The following LTBP2 variants were observed in gnomAD, a reference collection of about 807,000 sequenced individuals.
LTBP2 encodes the protein latent transforming growth factor beta binding protein 2, also known as latent-transforming growth factor beta-binding protein 2.
LTBP2 carries 103 observed loss-of-function variants against 210.6 expected under a neutral mutation model. That is an observed-to-expected ratio of 0.49 (90% CI 0.42 to 0.58). The LOEUF (loss-of-function observed/expected upper bound fraction) is 0.58, where lower values mean the gene tolerates loss of function less well. Among genes scored for constraint, LTBP2 ranks in the 20% least tolerant of loss-of-function variants. The pLI is 0.00. For synonymous variants in LTBP2, 1,007 were observed against 1,015.0 expected, an observed-to-expected ratio of 0.99 and a Z score of 0.15; for missense variants, 2,313 against 2,494.5, an observed-to-expected ratio of 0.93 and a Z score of 1.55.
At position 74,590,052 on chromosome 14, in the gene LTBP2, A is replaced by C. The variant is rs553675654; in HGVS notation, c.566-3934T>G. 1.2e-4 allele frequency among the ~76,000 whole-genome samples: 18 copies of C among 152,344 alleles called. 1 individual carries two copies. The South Asian group carries it at 3.7e-3, about 32-fold the overall frequency. Reference sequence around the variant, plus strand: ...ACAAATATATGAAAAAATGTTCAACATCACTCGTCATCAGGGAAATGCAAA... The same window carrying C: ...ACAAATATATGAAAAAATGTTCAACCTCACTCGTCATCAGGGAAATGCAAA... On this transcript the variant is annotated intron_variant, in intron 2 of 35. Coordinates refer to ENST00000261978, the MANE Select transcript of LTBP2 (RefSeq NM_000428.3).
intron 3 of LTBP2, among the ~76,000 whole-genome samples, chr14:74,572,404 T>G (rs1161809178): frequency 1.3e-5 from 2 of 150,872 alleles, no homozygotes; most frequent in African/African-American, 4.9e-5. Context: ...CTGATTCAGT[T>G]AATTTCACAA....
intron 3 of LTBP2, among the ~76,000 whole-genome samples, chr14:74,582,381 C>T (rs1211081156): frequency 1.7e-5 from 2 of 118,482 alleles, no homozygotes; most frequent in Non-Finnish European, 3.4e-5. Context: ...TGTGTACATG[C>T]ACACACACAC....
chr14:74,565,226 G>A (rs995759942), intron 3 of LTBP2, among the ~76,000 whole-genome samples: 3 of 152,182 alleles, frequency 2.0e-5, no homozygotes, highest in Non-Finnish European at 4.4e-5. Flanking sequence ...GCTCCAATGC[G>A]GGGTGGACAA....
At chr14:74,606,180 G>A (rs1400576217) in intron 1 of LTBP2, among the ~76,000 whole-genome samples, 1 of 152,154 alleles carries the variant, frequency 6.6e-6, no homozygotes, top group Non-Finnish European at 1.5e-5. Flanking sequence ...ATCACTGTAG[G>A]GAACACATCT....
intron 15 of LTBP2, 132 bp downstream of exon 15, chr14:74,524,992 C>A (rs1223189387): frequency 4.3e-6 from 2 of 464,284 alleles, no homozygotes; most frequent in Non-Finnish European, 7.6e-6. Flanking sequence ...CAGCTGGGAG[C>A]CTGCTGGGGA....
Position 74,552,125 on chromosome 14 carries a change from C to T in LTBP2, c.1399+62G>A, listed in dbSNP as rs983943403. The stretch of plus-strand genomic sequence containing the variant: ...CCTATCCCTGTCACAGCCATGGTGA[C>T]AGCCTCCACCCAACTGGCACTCCTC... On this transcript the variant is annotated intron_variant, in intron 6 of 35. Transcript: ENST00000261978. 5 of 1,483,966 alleles carry T rather than the reference C, an allele frequency of 3.4e-6. No individual in the cohort carries two copies. The African/African-American group carries it at 5.6e-5, about 17-fold the overall frequency. The allele number at this position is 1,483,966 out of a possible 1,614,324, so 91.9% of individuals were successfully genotyped here. A position where few individuals can be genotyped will look rare whatever the true frequency, so the allele number is the denominator to read the frequency against.
In LTBP2 at chr14:74,503,563, G is replaced by T; in HGVS notation, c.4626C>A (p.Cys1542Ter). ...CQDLACENGE[C>*]VNTEGSFHCF... The stretch of plus-strand genomic sequence containing the variant: ...AGTGGAAGGAGCCCTCCGTGTTGAC[G>T]CACTCGCCATTCTCACAGGCCAGGT... The change falls in exon 32 of 36, where the codon TGC (cysteine) becomes TGA (stop). Residue 1542 changes from cysteine (C) to a stop codon, truncating the protein, a stop_gained. Coordinates refer to ENST00000261978, the MANE Select transcript of LTBP2 (RefSeq NM_000428.3). LOFTEE classifies it high-confidence loss of function. 6.2e-7 allele frequency: 1 copy of T among 1,613,786 alleles called. No homozygotes were observed. Among genetic ancestry groups the T allele is most frequent in the Non-Finnish European group, 8.5e-7 (1 of 1,179,992 alleles).
At position 74,611,925 on chromosome 14, in the gene LTBP2, G is replaced by T. The variant is rs781543497; in HGVS notation, c.20C>A (p.Ala7Asp). MRPRTK[A>D]RSPGRALRNP... ...CCGCAGGGCGCGCCCCGGGCTGCGG[G>T]CTTTGGTCCGCGGCCTCATGGCGCG... is the stretch of plus-strand genomic sequence containing the variant. Residue 7 changes from alanine (A) to aspartate (D), a missense_variant, in exon 1 of 36, where the codon GCC becomes GAC. Coordinates refer to ENST00000261978, the MANE Select transcript of LTBP2 (RefSeq NM_000428.3). 1.9e-6 allele frequency: 3 copies of T among 1,586,234 alleles called. No homozygotes were observed. The highest frequency in any genetic ancestry group is 2.6e-6 in the Non-Finnish European group (3 of 1,170,188).
chr14:74,512,162 C>T (rs862057), intron 18 of LTBP2, among the ~76,000 whole-genome samples: 96,824 of 152,028 alleles, frequency 0.64, 30,978 homozygotes, highest in East Asian at 0.75. Context: ...GCTTCATCAT[C>T]AAGGCACCCA....
chr14:74,525,048 G>T, intron 15 of LTBP2, 76 bp downstream of exon 15: 1 of 784,610 alleles, frequency 1.3e-6, no homozygotes, highest in Admixed American at 3.1e-5. Flanking sequence ...TCATGCCCCT[G>T]CCCTGGAGTT....
At chr14:74,551,480 C>T (rs2087656266) in intron 6 of LTBP2, 130 bp from the exon 7 acceptor site, 4 of 894,800 alleles carry the variant, frequency 4.5e-6, no homozygotes, top group Admixed American at 5.9e-5. Flanking sequence ...ACTCTCCTTC[C>T]ATTTCTTTGC....
chr14:74,523,976 G>A (rs114816142), intron 15 of LTBP2, among the ~76,000 whole-genome samples: 2,330 of 152,258 alleles, frequency 0.015, 68 homozygotes, highest in African/African-American at 0.053. Flanking sequence ...AGCCTTGGGG[G>A]TTGTGGGGGC....
intron 8 of LTBP2, among the ~76,000 whole-genome samples, chr14:74,538,305 C>T (rs887244276): frequency 1.3e-5 from 2 of 151,980 alleles, no homozygotes; most frequent in Admixed American, 1.3e-4. Flanking sequence ...TCATTTGGAT[C>T]CTGGGGTACT....
chr14:74,601,559 C>A (rs1247939925), intron 2 of LTBP2, among the ~76,000 whole-genome samples: 1 of 152,100 alleles, frequency 6.6e-6, no homozygotes, highest in Non-Finnish European at 1.5e-5. Context: ...GAGTTTTTGG[C>A]TCTGGTTCTG....
At chr14:74,609,026 T>G (rs1213950521) in intron 1 of LTBP2, among the ~76,000 whole-genome samples, 1 of 152,206 alleles carries the variant, frequency 6.6e-6, no homozygotes, top group Non-Finnish European at 1.5e-5. Context: ...ATGAAGAAGC[T>G]CCAGTAGCAG....
intron 10 of LTBP2, 125 bp downstream of exon 10, chr14:74,532,301 A>T (rs2087360129): frequency 3.7e-6 from 5 of 1,338,414 alleles, no homozygotes. Flanking sequence ...AATAGCCGAC[A>T]CAGGCCCTGA....
In LTBP2 at chr14:74,528,567, C is replaced by T. The variant is rs2087306401; in HGVS notation, c.2284G>A (p.Gly762Arg). 3.7e-6 allele frequency: 6 copies of T among 1,613,196 alleles called. No homozygotes were observed. The highest frequency in any genetic ancestry group is 3.3e-5 in the Admixed American group (2 of 60,008). ...PPREQGQRSS[G>R]ALPGPAERQP... ...CTCTCTGCTGGCCCGGGCAGTGCCC[C>T]GCTGCTCCTCTGCCCTTGCTCCCTT... The change falls in exon 12 of 36, where the codon GGG (glycine) becomes AGG (arginine). Residue 762 changes from glycine (G) to arginine (R), a missense_variant. By Grantham distance (125) the Gly-to-Arg change is moderately radical. Coordinates refer to ENST00000261978, the MANE Select transcript of LTBP2 (RefSeq NM_000428.3).
chr14:74,551,920 G>A (rs1237134532), intron 6 of LTBP2, among the ~76,000 whole-genome samples: 2 of 152,152 alleles, frequency 1.3e-5, no homozygotes, highest in African/African-American at 2.4e-5. Flanking sequence ...TTCCTTGAGG[G>A]CGGCACCCTG....
At chr14:74,583,782 G>A (rs2088167882) in intron 3 of LTBP2, among the ~76,000 whole-genome samples, 2 of 152,230 alleles carry the variant, frequency 1.3e-5, no homozygotes, top group Admixed American at 6.5e-5. Context: ...TAGGTACCAG[G>A]GACACAATTT....
Sources: allele counts gnomAD v4.1 joint callset (sites outside exome capture counted in the v4.1 genomes callset), GRCh38; gene constraint gnomAD v4.1.1; transcripts MANE v1.5; gene names NCBI Gene and HGNC (gene_info 2026-07-23, HGNC 2026-07-21).